Variants in PLA2G4C observed in about 807,000 individuals in gnomAD.
The protein encoded by PLA2G4C is cytosolic phospholipase A2 gamma.
PLA2G4C carries 64 observed loss-of-function variants against 73.8 expected under a neutral mutation model. The observed-to-expected ratio is 0.87, with a 90% CI of 0.71 to 1.07. PLA2G4C has a LOEUF of 1.07. Among genes scored for constraint, PLA2G4C ranks in the 50% least tolerant of loss-of-function variants. PLA2G4C has a pLI of 0.00. For synonymous variants in PLA2G4C, 254 were observed against 252.1 expected (o/e 1.01, Z -0.07); for missense variants, 622 against 665.4 (o/e 0.93, Z 0.72).
rs1260409498 is a variant in PLA2G4C at position 48,057,480 on chromosome 19, C to CTTTTTT, written c.1258-2432_1258-2431insAAAAAA. Reference sequence around the variant, plus strand: ...GTTTCTTCTTCTTCTTCTTCTTCTTCTTCTTTTTTTTTTTTTTTTTTTTTT... The same window carrying CTTTTTT: ...GTTTCTTCTTCTTCTTCTTCTTCTTCTTTTTTTTCTTTTTTTTTTTTTTTTTTTTTT... On this transcript the variant is annotated intron_variant, in intron 14 of 16. Coordinates refer to ENST00000599921, the MANE Select transcript of PLA2G4C (RefSeq NM_003706.3). 8.9e-4 allele frequency among the ~76,000 whole-genome samples: 25 copies of CTTTTTT among 28,084 alleles called. 2 individuals are homozygous for CTTTTTT. The highest frequency in any genetic ancestry group is 5.7e-3 in the East Asian group (3 of 528). The allele number at this position is 28,084 out of a possible 152,430, so 18.4% of individuals were successfully genotyped here. A position where few individuals can be genotyped will look rare whatever the true frequency, so the allele number is the denominator to read the frequency against.
intron 12 of PLA2G4C, among the ~76,000 whole-genome samples, chr19:48,070,436 T>C (rs1041677112): frequency 5.3e-5 from 8 of 152,140 alleles, no homozygotes; most frequent in Non-Finnish European, 1.0e-4. Context: ...TTCTGCCTCA[T>C]GCATGCGTAT....
chr19:48,090,640 C>A, intron 7 of PLA2G4C: 1 of 538,342 alleles, frequency 1.9e-6, no homozygotes, highest in Non-Finnish European at 3.3e-6. Flanking sequence ...AGTCCTTGTC[C>A]TCACGAACCT....
At chr19:48,059,015 G>A (rs1167291477) in intron 14 of PLA2G4C, among the ~76,000 whole-genome samples, 3 of 151,970 alleles carry the variant, frequency 2.0e-5, no homozygotes, top group African/African-American at 7.3e-5. Context: ...GCTCACGCCT[G>A]TAATCCCTGC....
At chr19:48,058,562 A>G (rs945977553) in intron 14 of PLA2G4C, among the ~76,000 whole-genome samples, 1 of 152,110 alleles carries the variant, frequency 6.6e-6, no homozygotes, top group African/African-American at 2.4e-5. Flanking sequence ...TCATGCCTAT[A>G]ATCCCAGCAC....
At chr19:48,065,135 G>A (rs1296637851) in intron 13 of PLA2G4C, among the ~76,000 whole-genome samples, 4 of 152,154 alleles carry the variant, frequency 2.6e-5, no homozygotes, top group African/African-American at 7.2e-5. Flanking sequence ...TGGCCTAGGT[G>A]GTTGGGGCAC....
intron 1 of PLA2G4C, 132 bp from the exon 2 acceptor site, chr19:48,106,693 G>A (rs2122160817): frequency 1.5e-6 from 1 of 658,980 alleles, no homozygotes; most frequent in Non-Finnish European, 2.8e-6. Flanking sequence ...AATGCGAACA[G>A]CAGGTGTTGC....
intron 9 of PLA2G4C, among the ~76,000 whole-genome samples, chr19:48,085,441 A>G (rs2030917115): frequency 6.6e-6 from 1 of 152,154 alleles, no homozygotes; most frequent in African/African-American, 2.4e-5. Context: ...GGAAGGGCAA[A>G]TATTTCCCAG....
intron 12 of PLA2G4C, among the ~76,000 whole-genome samples, chr19:48,070,419 C>T (rs931327727): frequency 3.3e-5 from 5 of 152,138 alleles, no homozygotes; most frequent in African/African-American, 4.8e-5. Flanking sequence ...CAGACTGGAG[C>T]GTCAAATTCT....
chr19:48,092,364 T>C (rs1195653889), intron 7 of PLA2G4C, among the ~76,000 whole-genome samples: 7 of 152,182 alleles, frequency 4.6e-5, no homozygotes, highest in African/African-American at 2.4e-5. Flanking sequence ...ATTTTAAAAG[T>C]AGAATTACCA....
intron 14 of PLA2G4C, among the ~76,000 whole-genome samples, chr19:48,055,659 A>G (rs914819074): frequency 3.7e-5 from 5 of 134,232 alleles, no homozygotes; most frequent in Non-Finnish European, 8.2e-5. Flanking sequence ...CTTATTTTTG[A>G]GGCAGAGTTT....
chr19:48,095,526 C>T lies in PLA2G4C; in HGVS notation c.647G>A (p.Ser216Asn). 2 of 1,614,120 alleles carry T rather than the reference C, an allele frequency of 1.2e-6. No individual in the cohort carries two copies. Among genetic ancestry groups the T allele is most frequent in the Non-Finnish European group, 1.7e-6 (2 of 1,180,002 alleles). The change falls in exon 7 of 17, where the codon AGC becomes AAC. Residue 216 changes from serine (S) to asparagine (N), a missense_variant. Physicochemically the swap from Ser to Asn is conservative, Grantham distance 46. Coordinates refer to ENST00000599921, the MANE Select transcript of PLA2G4C (RefSeq NM_003706.3). ...GAFVSITHFG[S>N]KFKKGRLVRT... ...GACCAGTCTTCCCTTCTTGAATTTG[C>T]TTCCGAAGTGGGTTATGGAAACAAA...
chr19:48,095,337 G>A, intron 7 of PLA2G4C, 127 bp downstream of exon 7: 1 of 814,852 alleles, frequency 1.2e-6, no homozygotes, highest in Non-Finnish European at 2.0e-6. Context: ...CTTTCTGGAA[G>A]CCTACCAAGT....
rs151201827 is a variant in PLA2G4C at position 48,053,819 on chromosome 19, G to A, written c.1430-672C>T. On this transcript the variant is annotated intron_variant, in intron 15 of 16. Transcript: ENST00000599921. ...ATGGGAGTCTCATCGCAGGAGACAC[G>A]ATTGACAAGCTAAAAGGAGCCCACT... 4.2e-3 allele frequency among the ~76,000 whole-genome samples: 647 copies of A among 152,260 alleles called. 5 individuals carry two copies. Among genetic ancestry groups the A allele is most frequent in the African/African-American group, 0.014 (599 of 41,544 alleles).
chr19:48,081,543 A>C (rs4802429), intron 10 of PLA2G4C, among the ~76,000 whole-genome samples: 108,030 of 150,892 alleles, frequency 0.72, 39,169 homozygotes, highest in East Asian at 0.93. Context: ...GGATCACCTG[A>C]GGTCAGGAGT....
At chr19:48,070,588 T>C (rs1968618384) in intron 12 of PLA2G4C, among the ~76,000 whole-genome samples, 1 of 152,162 alleles carries the variant, frequency 6.6e-6, no homozygotes, top group South Asian at 2.1e-4. Context: ...ATCATGTCCT[T>C]TGCAGGGACA....
chr19:48,086,514 C>G (rs1000943963), intron 9 of PLA2G4C, among the ~76,000 whole-genome samples: 1 of 152,170 alleles, frequency 6.6e-6, no homozygotes, highest in Non-Finnish European at 1.5e-5. Context: ...CAGCCCACAC[C>G]TGGCTTTGCC....
chr19:48,110,538 G>A lies in PLA2G4C; in HGVS notation c.-84C>T. On this transcript the variant is annotated 5_prime_UTR_variant, in exon 1 of 17. Transcript: ENST00000599921. ...CATGCGCGGTGGAGCTTGTGCTCCG[G>A]AATCCGGTGCGGAGGCTTGGGCTCC... The A allele has an allele frequency of 2.6e-6, 4 of 1,532,828 alleles. No homozygotes were observed. The highest frequency in any genetic ancestry group is 2.4e-5 in the South Asian group (2 of 83,412). The allele number at this position is 1,532,828 out of a possible 1,614,324, so 95.0% of individuals were successfully genotyped here.
At chr19:48,088,998 A>G (rs2031141901) in intron 8 of PLA2G4C, among the ~76,000 whole-genome samples, 1 of 152,204 alleles carries the variant, frequency 6.6e-6, no homozygotes, top group South Asian at 2.1e-4. Context: ...TTTTAGAGAG[A>G]AAGCTTAGCA....
chr19:48,052,821 A>C (rs556061733), intron 16 of PLA2G4C, 176 bp downstream of exon 16: 302 of 536,908 alleles, frequency 5.6e-4, no homozygotes, highest in Non-Finnish European at 8.9e-4. Flanking sequence ...TCAGAAAACC[A>C]TTCACTCCTG....
Sources: gnomAD v4.1 joint callset for allele counts (sites outside exome capture counted in the v4.1 genomes callset) on GRCh38, gnomAD v4.1.1 for gene constraint, MANE v1.5 for transcripts, NCBI Gene and HGNC (gene_info 2026-07-23, HGNC 2026-07-21) for gene names.